Variants in SLC22A15 observed in about 807,000 individuals in gnomAD.
SLC22A15 encodes the protein solute carrier family 22 member 15, also known as flipt 1.
A neutral mutation model predicts 62.7 loss-of-function variants in SLC22A15; 45 were observed. The ratio of observed to expected loss-of-function variants is 0.72; its 90% confidence interval spans 0.56 to 0.92. SLC22A15 has a LOEUF of 0.92. Among genes scored for constraint, SLC22A15 ranks in the 40% least tolerant of loss-of-function variants. The pLI is 0.00. For missense variants in SLC22A15, 622 were observed against 665.6 expected, an observed-to-expected ratio of 0.93 and a Z score of 0.72; for synonymous variants, 264 against 267.0, an observed-to-expected ratio of 0.99 and a Z score of 0.11.
intron 8 of SLC22A15, 64 bp from the exon 9 acceptor site, chr1:116,062,698 A>G (rs189392560): frequency 6.3e-7 from 1 of 1,598,580 alleles, no homozygotes; most frequent in African/African-American, 1.3e-5. Context: ...TCAAAATGAA[A>G]TGTGCCATTT....
chr1:116,024,385 T>TTTAC (rs1412406562), intron 4 of SLC22A15, among the ~76,000 whole-genome samples: 3 of 152,148 alleles, frequency 2.0e-5, no homozygotes, highest in Non-Finnish European at 2.9e-5. Flanking sequence ...AAGTTTAGCT[T>TTTAC]TTACTAGTGC....
Position 116,069,349 on chromosome 1 carries a change from G to T in SLC22A15, c.*2241G>T, listed in dbSNP as rs955134571. 2.6e-5 allele frequency: 4 copies of T among 152,106 alleles called. No individual in the cohort carries two copies. Among genetic ancestry groups the T allele is most frequent in the Non-Finnish European group, 5.9e-5 (4 of 68,028 alleles). The allele number at this position is 152,106 out of a possible 1,614,324, so 9.4% of individuals were successfully genotyped here. Reference sequence around the variant, plus strand: ...ATAAAAACTGTTGAATACTATTGATGTAGAGAATGTGTATATGTGTATATT... The same window carrying T: ...ATAAAAACTGTTGAATACTATTGATTTAGAGAATGTGTATATGTGTATATT... On this transcript the variant is annotated 3_prime_UTR_variant, in exon 12 of 12. Transcript: ENST00000369503.
At chr1:116,015,563 G>A (rs1303269536) in intron 2 of SLC22A15, among the ~76,000 whole-genome samples, 1 of 152,144 alleles carries the variant, frequency 6.6e-6, no homozygotes, top group Non-Finnish European at 1.5e-5. Context: ...AGTTGATTAT[G>A]GAGTTTTCAA....
At chr1:116,018,509 C>T (rs1407589434) in intron 2 of SLC22A15, among the ~76,000 whole-genome samples, 3 of 152,232 alleles carry the variant, frequency 2.0e-5, no homozygotes, top group East Asian at 1.9e-4. Flanking sequence ...GGACTACAGG[C>T]GTCCACCACC....
At chr1:115,987,889 A>G (rs898188188) in intron 1 of SLC22A15, among the ~76,000 whole-genome samples, 1 of 152,250 alleles carries the variant, frequency 6.6e-6, no homozygotes, top group Non-Finnish European at 1.5e-5. Context: ...ACTTAAAAAA[A>G]TAAACATTGT....
intron 2 of SLC22A15, among the ~76,000 whole-genome samples, chr1:116,000,919 A>G (rs1190196492): frequency 1.3e-5 from 2 of 152,120 alleles, no homozygotes; most frequent in Admixed American, 6.5e-5. Flanking sequence ...GGCGTGAGCC[A>G]CCATGCCCGG....
chr1:115,991,961 G>A, intron 1 of SLC22A15, 70 bp from the exon 2 acceptor site: 1 of 1,332,476 alleles, frequency 7.5e-7, no homozygotes, highest in South Asian at 1.2e-5. Flanking sequence ...AGGTTTGCAA[G>A]CCTGCTAAGT....
At chr1:116,006,563 T>A (rs1328371927) in intron 2 of SLC22A15, among the ~76,000 whole-genome samples, 1 of 152,054 alleles carries the variant, frequency 6.6e-6, no homozygotes, top group Non-Finnish European at 1.5e-5. Flanking sequence ...GTCTTTTCCT[T>A]CCTGTTACCT....
intron 8 of SLC22A15, among the ~76,000 whole-genome samples, chr1:116,047,649 G>A (rs1657960569): frequency 6.6e-6 from 1 of 152,112 alleles, no homozygotes; most frequent in Admixed American, 6.6e-5. Context: ...CTGCAGTTTG[G>A]TTCACAGGAA....
intron 1 of SLC22A15, among the ~76,000 whole-genome samples, chr1:115,984,110 A>C (rs1216325895): frequency 6.6e-6 from 1 of 152,248 alleles, no homozygotes; most frequent in Non-Finnish European, 1.5e-5. Flanking sequence ...ACTATTGAGT[A>C]AATACTAGCA....
At chr1:116,052,461 TG>T (rs1417530765) in intron 8 of SLC22A15, among the ~76,000 whole-genome samples, 1 of 152,228 alleles carries the variant, frequency 6.6e-6, no homozygotes, top group Non-Finnish European at 1.5e-5. Flanking sequence ...GCTCCACCTC[TG>T]GGGGCAGGGC....
At chr1:116,037,278 T>C (rs763040796) in intron 7 of SLC22A15, 25 bp from the exon 8 acceptor site, 1 of 1,583,178 alleles carries the variant, frequency 6.3e-7, no homozygotes, top group Non-Finnish European at 8.7e-7. Context: ...TTAAGAGAAC[T>C]GTGTAATTTC....
chr1:116,058,530 A>G (rs958901310), intron 8 of SLC22A15, among the ~76,000 whole-genome samples: 5 of 152,198 alleles, frequency 3.3e-5, no homozygotes, highest in African/African-American at 1.2e-4. Context: ...AATATAAACT[A>G]GTACAGCCAC....
chr1:116,010,492 C>A (rs990541775), intron 2 of SLC22A15, among the ~76,000 whole-genome samples: 3 of 152,118 alleles, frequency 2.0e-5, no homozygotes, highest in African/African-American at 7.2e-5. Flanking sequence ...AGTGGTAATT[C>A]AGAGTGACAA....
rs955315302 is a variant in SLC22A15, at chr1:116,069,754, A to T, written c.*2646A>T. The T allele has an allele frequency of 2.6e-5, 4 of 152,206 alleles. No homozygotes were observed. The highest frequency in any genetic ancestry group is 2.6e-4 in the Admixed American group (4 of 15,278). 9.4% of individuals were successfully genotyped at this position (152,206 alleles called of 1,614,324 possible). ...ATAAACAAAATGAGGCAAATAAATG[A>T]AGAAAATGAGTTTCTGAGACACTGT... On this transcript the variant is annotated 3_prime_UTR_variant, in exon 12 of 12. Coordinates refer to ENST00000369503, the MANE Select transcript of SLC22A15 (RefSeq NM_018420.3).
chr1:115,980,996 G>A (rs1490758163), intron 1 of SLC22A15, among the ~76,000 whole-genome samples: 1 of 152,090 alleles, frequency 6.6e-6, no homozygotes, highest in Non-Finnish European at 1.5e-5. Flanking sequence ...ACACAGGAGG[G>A]TGGGGTAGAG....
intron 2 of SLC22A15, among the ~76,000 whole-genome samples, chr1:116,016,905 C>T (rs1364907532): frequency 2.0e-5 from 3 of 152,196 alleles, no homozygotes; most frequent in Non-Finnish European, 4.4e-5. Flanking sequence ...TACTGTAACT[C>T]CCCTGCTTCC....
At chr1:116,004,601 T>G (rs1655886539) in intron 2 of SLC22A15, among the ~76,000 whole-genome samples, 1 of 152,224 alleles carries the variant, frequency 6.6e-6, no homozygotes, top group African/African-American at 2.4e-5. Flanking sequence ...TGATAAGGAT[T>G]AATGCCTCTA....
chr1:116,052,328 G>A (rs1034516242), intron 8 of SLC22A15, among the ~76,000 whole-genome samples: 1 of 152,244 alleles, frequency 6.6e-6, no homozygotes, highest in African/African-American at 2.4e-5. Context: ...ACTGCAAGGT[G>A]GCAGCGAGGC....
Sources: allele counts gnomAD v4.1 joint callset (sites outside exome capture counted in the v4.1 genomes callset), GRCh38; gene constraint gnomAD v4.1.1; transcripts MANE v1.5; gene names NCBI Gene and HGNC (gene_info 2026-07-23, HGNC 2026-07-21).